ROR1: variants seen among roughly 807,000 people sequenced by gnomAD.
ROR1 encodes the protein ROR family WNT receptor 1, also known as inactive tyrosine-protein kinase transmembrane receptor ROR1.
Under a neutral mutation model 78.8 loss-of-function variants are expected in ROR1, and 19 were observed. That is an observed-to-expected ratio of 0.24 (90% CI 0.17 to 0.35). The LOEUF (loss-of-function observed/expected upper bound fraction) is 0.35. Among genes scored for constraint, ROR1 ranks in the 10% least tolerant of loss-of-function variants. The probability of loss-of-function intolerance (pLI) is 1.00; values close to 1 mark genes in which losing one functional copy is unlikely to be tolerated. For missense variants in ROR1, 917 were observed against 1,177.8 expected (o/e 0.78, Z 3.24); for synonymous variants, 386 against 433.6 (o/e 0.89, Z 1.36).
chr1:64,150,933 C>G (rs1649603536), intron 7 of ROR1, among the ~76,000 whole-genome samples: 1 of 152,152 alleles, frequency 6.6e-6, no homozygotes, highest in East Asian at 1.9e-4. Context: ...AACCTCTGAA[C>G]TTTTTGGGCT....
chr1:63,788,383 TCC>T (rs1644704908), intron 1 of ROR1, among the ~76,000 whole-genome samples: 3 of 152,134 alleles, frequency 2.0e-5, no homozygotes, highest in Admixed American at 2.0e-4. Flanking sequence ...ATGCTTTTAT[TCC>T]CAAAAGAAAA....
chr1:63,900,556 C>T lies in ROR1; in HGVS notation c.92-108749C>T, dbSNP rs746357896. Reference sequence around the variant, plus strand: ...GAAGCCTGTGAGGTGCCTTAGAGAGCATGGAATGCTGCCCCCATCCCATGG... The same window carrying T: ...GAAGCCTGTGAGGTGCCTTAGAGAGTATGGAATGCTGCCCCCATCCCATGG... On this transcript the variant is annotated intron_variant, in intron 1 of 8. Coordinates refer to ENST00000371079, the MANE Select transcript of ROR1 (RefSeq NM_005012.4). Among the ~76,000 whole-genome samples the T allele has an allele frequency of 6.2e-4, 94 of 151,782 alleles. 2 individuals carry two copies. The highest frequency in any genetic ancestry group is 2.6e-4 in the Admixed American group (4 of 15,234).
Position 64,023,204 on chromosome 1 carries a change from G to A in ROR1, c.163+13828G>A, listed in dbSNP as rs372463195. ...TTGCAGTGGTGCTGAGTAACAGAAG[G>A]ATGCTAGCATCCTGCATCGAGTCAG... is the stretch of plus-strand genomic sequence containing the variant. On this transcript the variant is annotated intron_variant, in intron 2 of 8. Transcript: ENST00000371079. Among the ~76,000 whole-genome samples, 10 of 152,292 alleles carry A rather than the reference G, an allele frequency of 6.6e-5. No individual in the cohort carries two copies. The East Asian group carries it at 9.6e-4, about 15-fold the overall frequency.
At chr1:64,159,282 A>T in intron 8 of ROR1, 90 bp downstream of exon 8, 5 of 991,804 alleles carry the variant, frequency 5.0e-6, no homozygotes, top group Non-Finnish European at 7.9e-6. Flanking sequence ...AAATCGAATG[A>T]TATGGAATCA....
At chr1:64,034,752 G>T (rs1646688037) in intron 2 of ROR1, among the ~76,000 whole-genome samples, 2 of 152,126 alleles carry the variant, frequency 1.3e-5, no homozygotes, top group Non-Finnish European at 2.9e-5. Flanking sequence ...GTGTTTTATT[G>T]TAAGTTTCTG....
chr1:63,885,113 T>C (rs563513984), intron 1 of ROR1, among the ~76,000 whole-genome samples: 7 of 152,140 alleles, frequency 4.6e-5, no homozygotes, highest in Non-Finnish European at 1.0e-4. Context: ...TGTATTGGCA[T>C]ATAGAAAAAA....
chr1:63,923,703 A>G (rs1164974382), intron 1 of ROR1, among the ~76,000 whole-genome samples: 1 of 151,438 alleles, frequency 6.6e-6, no homozygotes, highest in Non-Finnish European at 1.5e-5. Context: ...TTTTATTAAA[A>G]TATAAACCAG....
At chr1:63,841,308 AT>A (rs1461108043) in intron 1 of ROR1, among the ~76,000 whole-genome samples, 4 of 152,180 alleles carry the variant, frequency 2.6e-5, no homozygotes, top group Non-Finnish European at 5.9e-5. Context: ...GCTTTTGTAA[AT>A]TCCTTTAAGG....
intron 1 of ROR1, among the ~76,000 whole-genome samples, chr1:63,976,484 A>G (rs983529947): frequency 6.6e-6 from 1 of 152,186 alleles, no homozygotes; most frequent in South Asian, 2.1e-4. Context: ...AGAGAAACAT[A>G]ATTTGACCTA....
At position 64,057,273 on chromosome 1, in the gene ROR1, T is replaced by C. The variant is rs1057278537; in HGVS notation, c.482+6557T>C. Among the ~76,000 whole-genome samples, 8 of 152,220 alleles carry C rather than the reference T, an allele frequency of 5.3e-5. 1 individual carries two copies. The highest frequency in any genetic ancestry group is 2.0e-4 in the Admixed American group (3 of 15,276). On this transcript the variant is annotated intron_variant, in intron 4 of 8. Transcript: ENST00000371079. ...TGATGAAAAGACCATTCTTTACCCA[T>C]TGAATTGTCTTGGCACTCTGTTAAA...
chr1:63,929,326 T>A (rs1216476363), intron 1 of ROR1, among the ~76,000 whole-genome samples: 1 of 152,172 alleles, frequency 6.6e-6, no homozygotes, highest in Non-Finnish European at 1.5e-5. Context: ...TGTGTGAGCA[T>A]GTTTACCCTG....
chr1:64,057,563 G>C (rs1219764448), intron 4 of ROR1, among the ~76,000 whole-genome samples: 1 of 152,182 alleles, frequency 6.6e-6, no homozygotes, highest in Non-Finnish European at 1.5e-5. Flanking sequence ...TCCACAGGTA[G>C]AATTTCTTCT....
intron 1 of ROR1, among the ~76,000 whole-genome samples, chr1:63,984,356 A>G (rs1646234232): frequency 6.6e-6 from 1 of 152,100 alleles, no homozygotes; most frequent in East Asian, 1.9e-4. Flanking sequence ...CCCCCAATAA[A>G]ATATTTGTCT....
rs1650484065 is a variant in ROR1 at position 64,179,160 on chromosome 1, G to T, written c.*305G>T. 7.7e-6 allele frequency: 2 copies of T among 259,056 alleles called. No individual in the cohort carries two copies. Among genetic ancestry groups the T allele is most frequent in the Non-Finnish European group, 1.5e-5 (2 of 137,228 alleles). The allele number at this position is 259,056 out of a possible 1,614,324, so 16.0% of individuals were successfully genotyped here. On this transcript the variant is annotated 3_prime_UTR_variant, in exon 9 of 9. Transcript: ENST00000371079. The stretch of plus-strand genomic sequence containing the variant: ...AGCTGCAAACCAGTGAAGAGGAAAA[G>T]AACCTTGTGATTAAATATAAAACCA...
At chr1:63,936,286 T>C (rs1645793825) in intron 1 of ROR1, among the ~76,000 whole-genome samples, 1 of 152,198 alleles carries the variant, frequency 6.6e-6, no homozygotes. Context: ...TTTTCTGCCT[T>C]GGTTTATCAA....
chr1:64,115,925 C>T (rs1557659765), intron 4 of ROR1, among the ~76,000 whole-genome samples: 1 of 152,034 alleles, frequency 6.6e-6, no homozygotes, highest in East Asian at 1.9e-4. Context: ...ACACACCTGC[C>T]AATAAATGGT....
At chr1:64,022,102 T>C (rs2100557672) in intron 2 of ROR1, among the ~76,000 whole-genome samples, 1 of 152,322 alleles carries the variant, frequency 6.6e-6, no homozygotes, top group South Asian at 2.1e-4. Flanking sequence ...ATAACATGGA[T>C]AAATCTCAAA....
At chr1:63,848,297 C>T (rs1183348089) in intron 1 of ROR1, among the ~76,000 whole-genome samples, 1 of 152,188 alleles carries the variant, frequency 6.6e-6, no homozygotes, top group Non-Finnish European at 1.5e-5. Flanking sequence ...AGAAGCATAA[C>T]ACAAATGCTT....
chr1:64,177,699 A>C lies in ROR1; in HGVS notation c.1658A>C (p.Glu553Ala). ...TQEQPVCMLF[E>A]YINQGDLHEF... ...GAACAACCTGTGTGCATGCTTTTTG[A>C]GTATATTAATCAGGGGGATCTCCAT... is the stretch of plus-strand genomic sequence containing the variant. The change falls in exon 9 of 9, where the codon GAG (glutamate) becomes GCG (alanine). Residue 553 changes from glutamate to alanine, a missense_variant. Glu to Ala is a moderately radical substitution (Grantham distance 107). Around this residue, in one of 3 missense-constraint regions of ROR1, gnomAD observed 835 missense variants for 1,069.8 expected, o/e 0.78. Transcript: ENST00000371079. The C allele has an allele frequency of 6.2e-7, 1 of 1,614,096 alleles. No homozygotes were observed. Among genetic ancestry groups the C allele is most frequent in the Non-Finnish European group, 8.5e-7 (1 of 1,180,026 alleles).
Sources: gnomAD v4.1 joint callset for allele counts (sites outside exome capture counted in the v4.1 genomes callset) on GRCh38, gnomAD v4.1.1 for gene constraint, gnomAD v4.1.1 regional missense constraint, MANE v1.5 for transcripts, NCBI Gene and HGNC (gene_info 2026-07-23, HGNC 2026-07-21) for gene names.